Variants in KIF13B observed in about 807,000 individuals in gnomAD.
KIF13B encodes the protein kinesin-like protein KIF13B.
In KIF13B, 127 loss-of-function variants were observed where a neutral mutation model predicts 222.0. That is an observed-to-expected ratio of 0.57 (90% CI 0.50 to 0.66). KIF13B has a LOEUF of 0.66. Among genes scored for constraint, KIF13B ranks in the 30% least tolerant of loss-of-function variants. KIF13B has a pLI of 0.00. For missense variants in KIF13B, 2,173 were observed against 2,379.0 expected (o/e 0.91, Z 1.80); for synonymous variants, 976 against 919.0 (o/e 1.06, Z -1.12).
intron 29 of KIF13B, among the ~76,000 whole-genome samples, chr8:29,119,790 C>T (rs984882698): frequency 1.3e-5 from 2 of 152,170 alleles, no homozygotes; most frequent in African/African-American, 4.8e-5. Flanking sequence ...TCCACCCCAT[C>T]AAGCAAACAG....
intron 2 of KIF13B, among the ~76,000 whole-genome samples, chr8:29,231,572 C>T (rs1199002023): frequency 3.3e-5 from 5 of 152,154 alleles, no homozygotes; most frequent in African/African-American, 7.2e-5. Flanking sequence ...AGGAAGCTTC[C>T]GTGCTCCTTA....
chr8:29,211,484 G>C (rs1333490766), intron 2 of KIF13B, among the ~76,000 whole-genome samples: 3 of 152,224 alleles, frequency 2.0e-5, no homozygotes, highest in Non-Finnish European at 4.4e-5. Flanking sequence ...AGTTGCCAGG[G>C]ATGAGAGACC....
At position 29,107,710 on chromosome 8, in the gene KIF13B, G is replaced by A. The variant is rs1214563778; in HGVS notation, c.4215+429C>T. On this transcript the variant is annotated intron_variant, in intron 35 of 39. Transcript: ENST00000524189. Reference sequence around the variant, plus strand: ...CGAGTAGCTGGGACTACAGGTGCCCGCCACCTCGCCTGACTAGTTTTTTGT... The same window carrying A: ...CGAGTAGCTGGGACTACAGGTGCCCACCACCTCGCCTGACTAGTTTTTTGT... 5.9e-5 allele frequency among the ~76,000 whole-genome samples: 9 copies of A among 151,808 alleles called. No homozygotes were observed. In the East Asian group the frequency reaches 7.8e-4, roughly 13 times the overall value.
intron 18 of KIF13B, 181 bp downstream of exon 18, chr8:29,146,197 A>G: frequency 4.6e-6 from 3 of 651,820 alleles, no homozygotes; most frequent in Non-Finnish European, 8.2e-6. Flanking sequence ...CAGATAAAAT[A>G]TACATACACT....
At chr8:29,195,148 T>C (rs892289391) in intron 3 of KIF13B, among the ~76,000 whole-genome samples, 1 of 152,102 alleles carries the variant, frequency 6.6e-6, no homozygotes, top group Non-Finnish European at 1.5e-5. Flanking sequence ...CTTAGGAGGC[T>C]GAGGCAGGAG....
chr8:29,186,937 C>G (rs1295022761), intron 5 of KIF13B, among the ~76,000 whole-genome samples: 2 of 147,330 alleles, frequency 1.4e-5, no homozygotes, highest in Non-Finnish European at 3.0e-5. Context: ...CCACTGCACT[C>G]TAGCCTGGGC....
At chr8:29,160,351 C>T (rs376789731) in intron 13 of KIF13B, among the ~76,000 whole-genome samples, 6 of 152,030 alleles carry the variant, frequency 3.9e-5, no homozygotes, top group African/African-American at 1.4e-4. Flanking sequence ...ACATTTTTTT[C>T]TTGTGAGCTA....
chr8:29,075,272 C>G lies in KIF13B; in HGVS notation c.4521+9G>C, dbSNP rs747001089. On this transcript the variant is annotated intron_variant, in intron 38 of 39. Coordinates refer to ENST00000524189, the MANE Select transcript of KIF13B (RefSeq NM_015254.4). Reference sequence around the variant, plus strand: ...GGTGGGGTGGCCACCCGTGACCCAACAGACTCACCTCCTCCATCCTGGTCA... The same window carrying G: ...GGTGGGGTGGCCACCCGTGACCCAAGAGACTCACCTCCTCCATCCTGGTCA... The G allele has an allele frequency of 3.9e-6, 6 of 1,553,662 alleles. No individual in the cohort carries two copies. The highest frequency in any genetic ancestry group is 3.6e-5 in the South Asian group (3 of 84,172).
chr8:29,173,183 G>A (rs1355459138), intron 10 of KIF13B, among the ~76,000 whole-genome samples: 1 of 152,012 alleles, frequency 6.6e-6, no homozygotes, highest in African/African-American at 2.4e-5. Context: ...CCAAAGTGCT[G>A]GGATTATAGG....
rs143654583 is a variant in KIF13B, at chr8:29,226,714, T to G, written c.149+18632A>C. ...TTACACCCGCGTGGTCTCTGACATG[T>G]GTTCTTCTCTGCATCCCATGTTTCA... On this transcript the variant is annotated intron_variant, in intron 2 of 39. Coordinates refer to ENST00000524189, the MANE Select transcript of KIF13B (RefSeq NM_015254.4). 5.3e-3 allele frequency among the ~76,000 whole-genome samples: 801 copies of G among 152,350 alleles called. 7 individuals carry two copies. Among genetic ancestry groups the G allele is most frequent in the African/African-American group, 0.019 (778 of 41,590 alleles).
chr8:29,091,118 T>C (rs897231246), intron 37 of KIF13B, among the ~76,000 whole-genome samples: 1 of 152,084 alleles, frequency 6.6e-6, no homozygotes, highest in African/African-American at 2.4e-5. Flanking sequence ...CAGACTGGAG[T>C]AAATGAATAA....
chr8:29,239,238 T>C lies in KIF13B; in HGVS notation c.149+6108A>G, dbSNP rs147880169. On this transcript the variant is annotated intron_variant, in intron 2 of 39. Coordinates refer to ENST00000524189, the MANE Select transcript of KIF13B (RefSeq NM_015254.4). ...GAAAAGTGCAACTTACACGGAGGTG[T>C]TCTTTCCTGTCAGGTTTTGGTTCTG... Among the ~76,000 whole-genome samples the C allele has an allele frequency of 3.6e-3, 548 of 152,284 alleles. 2 individuals are homozygous for C. Among genetic ancestry groups the C allele is most frequent in the African/African-American group, 0.013 (526 of 41,562 alleles).
intron 11 of KIF13B, among the ~76,000 whole-genome samples, chr8:29,166,864 T>C (rs1812024030): frequency 1.3e-5 from 2 of 152,134 alleles, no homozygotes; most frequent in African/African-American, 4.8e-5. Context: ...TGTAATAGAG[T>C]ACCACTAAAT....
In KIF13B at chr8:29,165,707, A is replaced by C. The variant is rs747938510; in HGVS notation, c.1224T>G (p.Thr408=). ...EESEKLIQEM[T]VTWEEKLRKT... ...TCCTTAATTTCTCCTCCCAGGTCACAGTCATTTCCTGGATTAGCTTCTCAG... is the reference window on the plus strand; with the variant it reads ...TCCTTAATTTCTCCTCCCAGGTCACCGTCATTTCCTGGATTAGCTTCTCAG... Residue 408 remains threonine, a synonymous_variant, in exon 12 of 40, where the codon ACT becomes ACG. Transcript: ENST00000524189. The C allele has an allele frequency of 1.2e-6, 2 of 1,613,602 alleles. No homozygotes were observed. The highest frequency in any genetic ancestry group is 1.7e-6 in the Non-Finnish European group (2 of 1,179,634).
chr8:29,229,149 T>C (rs1213786411), intron 2 of KIF13B, among the ~76,000 whole-genome samples: 1 of 148,944 alleles, frequency 6.7e-6, no homozygotes, highest in Non-Finnish European at 1.5e-5. Context: ...AGGACACCCT[T>C]CTGGAGTGAT....
At chr8:29,102,466 T>C (rs1015269411) in intron 35 of KIF13B, among the ~76,000 whole-genome samples, 1 of 152,206 alleles carries the variant, frequency 6.6e-6, no homozygotes, top group Non-Finnish European at 1.5e-5. Context: ...TCCTAGTCGA[T>C]ACTGAAGTCA....
At chr8:29,190,691 G>T (rs369042478) in intron 4 of KIF13B, 7 of 341,406 alleles carry the variant, frequency 2.1e-5, no homozygotes, top group African/African-American at 1.5e-4. Flanking sequence ...ACCTGCGCTG[G>T]TGGGAAGGAG....
At chr8:29,137,387 A>G (rs1259238913) in intron 21 of KIF13B, among the ~76,000 whole-genome samples, 1 of 152,240 alleles carries the variant, frequency 6.6e-6, no homozygotes, top group African/African-American at 2.4e-5. Flanking sequence ...AAGGTGTCAG[A>G]GTATCACAGA....
chr8:29,157,852 A>T (rs1443371588), intron 13 of KIF13B, among the ~76,000 whole-genome samples: 1 of 150,916 alleles, frequency 6.6e-6, no homozygotes, highest in East Asian at 1.9e-4. Flanking sequence ...AAAAAAAAGT[A>T]AGAATAAAAC....
Sources: gnomAD v4.1 joint callset for allele counts (sites outside exome capture counted in the v4.1 genomes callset) on GRCh38, gnomAD v4.1.1 for gene constraint, MANE v1.5 for transcripts, NCBI Gene and HGNC (gene_info 2026-07-23, HGNC 2026-07-21) for gene names.